Variants in CDC42BPB observed in about 807,000 individuals in gnomAD.
CDC42BPB encodes the protein CDC42 binding protein kinase beta, also known as serine/threonine-protein kinase MRCK beta.
In CDC42BPB, 37 loss-of-function variants were observed where a neutral mutation model predicts 214.9. The observed-to-expected ratio is 0.17, with a 90% CI of 0.13 to 0.23. The LOEUF (loss-of-function observed/expected upper bound fraction) is 0.23. Among genes scored for constraint, CDC42BPB ranks in the 10% least tolerant of loss-of-function variants. The probability of loss-of-function intolerance (pLI) is 1.00; values close to 1 mark genes in which losing one functional copy is unlikely to be tolerated. For missense variants in CDC42BPB, 1,694 were observed against 2,227.0 expected (o/e 0.76, Z 4.82); for synonymous variants, 931 against 884.0 (o/e 1.05, Z -0.94).
intron 1 of CDC42BPB, among the ~76,000 whole-genome samples, chr14:103,036,205 T>C (rs996688744): frequency 1.1e-4 from 16 of 150,794 alleles, no homozygotes; most frequent in Admixed American, 5.3e-4. Context: ...CAGGCTGGAC[T>C]GCAGTGGCGC....
At chr14:103,010,889 G>C (rs1238866887) in intron 2 of CDC42BPB, among the ~76,000 whole-genome samples, 1 of 152,216 alleles carries the variant, frequency 6.6e-6, no homozygotes, top group Non-Finnish European at 1.5e-5. Flanking sequence ...AAATTAGCTG[G>C]CCTGGTGGCG....
chr14:103,023,665 T>G (rs1270743179), intron 1 of CDC42BPB, among the ~76,000 whole-genome samples: 2 of 152,178 alleles, frequency 1.3e-5, no homozygotes, highest in African/African-American at 2.4e-5. Flanking sequence ...TTCTTAATTT[T>G]TTCCTTTTTT....
chr14:102,976,758 T>A (rs2139498157), intron 9 of CDC42BPB, among the ~76,000 whole-genome samples: 1 of 152,286 alleles, frequency 6.6e-6, no homozygotes, highest in South Asian at 2.1e-4. Context: ...CCACAGGTGG[T>A]CTGAGGGTGC....
At chr14:102,981,762 A>C (rs923120034) in intron 7 of CDC42BPB, among the ~76,000 whole-genome samples, 1 of 152,192 alleles carries the variant, frequency 6.6e-6, no homozygotes, top group Non-Finnish European at 1.5e-5. Context: ...GGGTGACAAG[A>C]GCGAGATTCC....
chr14:103,014,444 G>GA (rs1886344323), intron 1 of CDC42BPB, among the ~76,000 whole-genome samples: 1 of 152,084 alleles, frequency 6.6e-6, no homozygotes, highest in African/African-American at 2.4e-5. Context: ...ACAGTTTTAT[G>GA]AAAGGTGCCT....
chr14:102,963,349 C>T lies in CDC42BPB; in HGVS notation c.2727-194G>A, dbSNP rs1035614824. Reference sequence around the variant, plus strand: ...AATATTTCAAATATAAACATTCAAACAGGAATTTAAAAAGTCATGGCTTAG... The same window carrying T: ...AATATTTCAAATATAAACATTCAAATAGGAATTTAAAAAGTCATGGCTTAG... On this transcript the variant is annotated intron_variant, in intron 19 of 36. Coordinates refer to ENST00000361246, the MANE Select transcript of CDC42BPB (RefSeq NM_006035.4). The T allele has an allele frequency of 3.2e-6, 3 of 934,802 alleles. No individual in the cohort carries two copies. The African/African-American group carries it at 5.3e-5, about 17-fold the overall frequency. The allele number at this position is 934,802 out of a possible 1,614,324, so 57.9% of individuals were successfully genotyped here. A position where few individuals can be genotyped will look rare whatever the true frequency, so the allele number is the denominator to read the frequency against.
chr14:103,006,713 T>G (rs1885846166), intron 3 of CDC42BPB, among the ~76,000 whole-genome samples: 1 of 152,224 alleles, frequency 6.6e-6, no homozygotes, highest in African/African-American at 2.4e-5. Context: ...TATTTGCAAC[T>G]AGCACCATAT....
intron 1 of CDC42BPB, among the ~76,000 whole-genome samples, chr14:103,053,903 T>C (rs1888797087): frequency 6.6e-6 from 1 of 152,132 alleles, no homozygotes; most frequent in African/African-American, 2.4e-5. Flanking sequence ...TGTAGTGGCA[T>C]GATCATTGCT....
chr14:102,969,098 G>A (rs889765484), intron 14 of CDC42BPB, among the ~76,000 whole-genome samples: 5 of 152,262 alleles, frequency 3.3e-5, no homozygotes, highest in Admixed American at 6.5e-5. Flanking sequence ...AAGGGGCAGA[G>A]GGGCCGTGCA....
At chr14:103,041,832 C>T in intron 1 of CDC42BPB, 1 of 414,334 alleles carries the variant, frequency 2.4e-6, no homozygotes. Context: ...ACCACTCCAA[C>T]CTCACCCTCT....
chr14:103,041,298 C>T lies in CDC42BPB; in HGVS notation c.175+15701G>A, dbSNP rs74082768. ...ATTCAAAATTGATCAAAGAACTAAA[C>T]GTAAATGCTAAAACTAAAAAACTCT... is the stretch of plus-strand genomic sequence containing the variant. On this transcript the variant is annotated intron_variant, in intron 1 of 36. Transcript: ENST00000361246. Among the ~76,000 whole-genome samples the T allele has an allele frequency of 7.3e-3, 1,113 of 152,220 alleles. 19 individuals are homozygous for T. The highest frequency in any genetic ancestry group is 0.026 in the African/African-American group (1,060 of 41,534).
intron 1 of CDC42BPB, among the ~76,000 whole-genome samples, chr14:103,029,359 G>A (rs1887221819): frequency 6.6e-6 from 1 of 152,062 alleles, no homozygotes; most frequent in Non-Finnish European, 1.5e-5. Context: ...GGCTAACACG[G>A]TGAAACCCTG....
At chr14:103,039,706 GAAAGAC>G (rs1332428618) in intron 1 of CDC42BPB, among the ~76,000 whole-genome samples, 2 of 152,130 alleles carry the variant, frequency 1.3e-5, no homozygotes, top group Non-Finnish European at 1.5e-5. Context: ...AAGATCAGAA[GAAAGAC>G]AAGAATGTCC....
chr14:102,995,235 C>T (rs1212075332), intron 5 of CDC42BPB, among the ~76,000 whole-genome samples: 1 of 151,494 alleles, frequency 6.6e-6, no homozygotes, highest in African/African-American at 2.4e-5. Flanking sequence ...AGTGCAATGG[C>T]GCGATCTCGG....
chr14:103,037,530 T>A (rs1323511399), intron 1 of CDC42BPB, among the ~76,000 whole-genome samples: 1 of 152,130 alleles, frequency 6.6e-6, no homozygotes, highest in Non-Finnish European at 1.5e-5. Flanking sequence ...TAAAAAAAAT[T>A]AAAATAAAAA....
At position 102,978,107 on chromosome 14, in the gene CDC42BPB, A is replaced by G. The variant is rs1213847393; in HGVS notation, c.1220+19T>C. ...CACAGGGGAAGTGTCTCCCTGGGGAATGATAAATCCAGACATACCTTTCCG... is the reference window on the plus strand; with the variant it reads ...CACAGGGGAAGTGTCTCCCTGGGGAGTGATAAATCCAGACATACCTTTCCG... On this transcript the variant is annotated intron_variant, in intron 9 of 36. Coordinates refer to ENST00000361246, the MANE Select transcript of CDC42BPB (RefSeq NM_006035.4). 1.9e-6 allele frequency: 3 copies of G among 1,570,764 alleles called. No homozygotes were observed. The highest frequency in any genetic ancestry group is 1.8e-6 in the Non-Finnish European group (2 of 1,140,486).
chr14:102,972,326 C>G lies in CDC42BPB; in HGVS notation c.1642-165G>C, dbSNP rs575293809. On this transcript the variant is annotated intron_variant, in intron 12 of 36. Coordinates refer to ENST00000361246, the MANE Select transcript of CDC42BPB (RefSeq NM_006035.4). ...TTGGAAAAAGACCTGTGCTCTGTCT[C>G]GTGCCAGCCACACAGGCAATGGGAA... 1,346 of 985,378 alleles carry G rather than the reference C, an allele frequency of 1.4e-3. 2 individuals are homozygous for G. Among genetic ancestry groups the G allele is most frequent in the Non-Finnish European group, 1.6e-3 (1,301 of 829,908 alleles). 61.0% of individuals were successfully genotyped at this position (985,378 alleles called of 1,614,324 possible). A position where few individuals can be genotyped will look rare whatever the true frequency, so the allele number is the denominator to read the frequency against.
intron 5 of CDC42BPB, among the ~76,000 whole-genome samples, chr14:102,992,004 C>T (rs1298174042): frequency 3.9e-5 from 6 of 152,244 alleles, no homozygotes; most frequent in Admixed American, 2.0e-4. Context: ...GCACCAGCCA[C>T]GTTTTGAGTG....
chr14:102,976,152 A>C (rs1299943614), intron 9 of CDC42BPB, 103 bp from the exon 10 acceptor site: 1 of 1,516,066 alleles, frequency 6.6e-7, no homozygotes, highest in Non-Finnish European at 8.8e-7. Context: ...TTAAATCAGC[A>C]AACAAAAACA....
Sources: gnomAD v4.1 joint callset for allele counts (sites outside exome capture counted in the v4.1 genomes callset) on GRCh38, gnomAD v4.1.1 for gene constraint, MANE v1.5 for transcripts, NCBI Gene and HGNC (gene_info 2026-07-23, HGNC 2026-07-21) for gene names.